The following VWC2 variants were observed in gnomAD, a reference collection of about 807,000 sequenced individuals.
The protein encoded by VWC2 is von Willebrand factor C domain containing 2, also known as brorin.
In VWC2, 14 loss-of-function variants were observed where a neutral mutation model predicts 29.8. The ratio of observed to expected loss-of-function variants is 0.47; its 90% CI spans 0.31 to 0.74. The LOEUF (loss-of-function observed/expected upper bound fraction) is 0.74. Ranked by LOEUF, VWC2 falls within the 30% of genes least tolerant of loss-of-function variation. The pLI is 0.05. For synonymous variants in VWC2, 213 were observed against 199.0 expected (o/e 1.07, Z -0.59); for missense variants, 457 against 459.8 (o/e 0.99, Z 0.05).
intron 2 of VWC2, among the ~76,000 whole-genome samples, chr7:49,788,979 A>ATG (rs796679474): frequency 8.3e-5 from 11 of 133,188 alleles, no homozygotes; most frequent in East Asian, 4.8e-4. Context: ...GTGTGTGAGC[A>ATG]TGTGTGTGTG....
rs916008993 is a variant in VWC2, at chr7:49,919,333, C to A, written c.*7148C>A. ...GATATCCTTAAACTAATAAAAAAAG[C>A]GATGGCATCACATGCCATTTTGAAC... On this transcript the variant is annotated 3_prime_UTR_variant, in exon 4 of 4. Coordinates refer to ENST00000340652, the MANE Select transcript of VWC2 (RefSeq NM_198570.5). 6.6e-6 allele frequency: 1 copy of A among 152,102 alleles called. No homozygotes were observed. The highest frequency in any genetic ancestry group is 1.9e-4 in the East Asian group (1 of 5,186). 9.4% of individuals were successfully genotyped at this position (152,102 alleles called of 1,614,324 possible).
chr7:49,885,477 TC>T, intron 3 of VWC2, among the ~76,000 whole-genome samples: 1 of 152,186 alleles, frequency 6.6e-6, no homozygotes. Flanking sequence ...CAGATTAACT[TC>T]ATCAAATTAC....
intron 3 of VWC2, among the ~76,000 whole-genome samples, chr7:49,827,542 A>C (rs962209709): frequency 1.4e-5 from 1 of 70,500 alleles, no homozygotes; most frequent in African/African-American, 5.2e-5. Flanking sequence ...TAAAACAATA[A>C]CTTTTTATTT....
intron 3 of VWC2, among the ~76,000 whole-genome samples, chr7:49,855,141 T>C (rs894677055): frequency 6.6e-6 from 1 of 152,244 alleles, no homozygotes; most frequent in Admixed American, 6.5e-5. Context: ...AAAGGCCTGC[T>C]CACATTAGTC....
At chr7:49,874,985 G>A (rs79548349) in intron 3 of VWC2, among the ~76,000 whole-genome samples, 4,927 of 151,894 alleles carry the variant, frequency 0.032, 249 homozygotes, top group African/African-American at 0.11. Context: ...TAGTTTCATC[G>A]TTTCCAATGG....
At chr7:49,788,474 A>T (rs1026995463) in intron 2 of VWC2, among the ~76,000 whole-genome samples, 2 of 149,146 alleles carry the variant, frequency 1.3e-5, no homozygotes, top group African/African-American at 5.0e-5. Context: ...TGTGTGAGAG[A>T]GAGTGTGTGG....
In VWC2 at chr7:49,919,358, CT is replaced by C. The variant is rs1488809305; in HGVS notation, c.*7177del. 1.3e-5 allele frequency: 2 copies of C among 152,158 alleles called. No homozygotes were observed. The highest frequency in any genetic ancestry group is 2.9e-5 in the Non-Finnish European group (2 of 68,030). The allele number at this position is 152,158 out of a possible 1,614,324, so 9.4% of individuals were successfully genotyped here. A position where few individuals can be genotyped will look rare whatever the true frequency, so the allele number is the denominator to read the frequency against. On this transcript the variant is annotated 3_prime_UTR_variant, in exon 4 of 4. Coordinates refer to ENST00000340652, the MANE Select transcript of VWC2 (RefSeq NM_198570.5). ...CGATGGCATCACATGCCATTTTGAA[CT>C]TTTGCATTAAAGTCATAAACTTACA...
At chr7:49,878,010 A>G (rs1173201546) in intron 3 of VWC2, among the ~76,000 whole-genome samples, 2 of 151,976 alleles carry the variant, frequency 1.3e-5, no homozygotes, top group African/African-American at 2.4e-5. Context: ...TGGATGACTG[A>G]TGGTCTTTTA....
chr7:49,847,614 G>C (rs1209103876), intron 3 of VWC2, among the ~76,000 whole-genome samples: 2 of 152,180 alleles, frequency 1.3e-5, no homozygotes, highest in African/African-American at 4.8e-5. Flanking sequence ...TTCTATTGAG[G>C]AACACACAGG....
At chr7:49,849,814 A>AG (rs55893231) in intron 3 of VWC2, among the ~76,000 whole-genome samples, 4,735 of 152,340 alleles carry the variant, frequency 0.031, 111 homozygotes, top group South Asian at 0.071. Context: ...GTCTTGGGGT[A>AG]GAATCACTTC....
chr7:49,852,035 T>C (rs1181434491), intron 3 of VWC2, among the ~76,000 whole-genome samples: 1 of 152,148 alleles, frequency 6.6e-6, no homozygotes. Context: ...CCGGATTTAA[T>C]CCGGATTAAA....
At position 49,818,379 on chromosome 7, in the gene VWC2, G is replaced by GT. The variant is rs532074675; in HGVS notation, c.826+15546dup. Among the ~76,000 whole-genome samples the GT allele has an allele frequency of 7.9e-5, 12 of 152,188 alleles. No homozygotes were observed. The East Asian group carries it at 2.1e-3, about 27-fold the overall frequency. On this transcript the variant is annotated intron_variant, in intron 3 of 3. Coordinates refer to ENST00000340652, the MANE Select transcript of VWC2 (RefSeq NM_198570.5). ...TTTTGGGTGCACAGAAAGAACAGTTGTTTTTTTCTCCAGTTAACTCACAAA... is the reference window on the plus strand; with the variant it reads ...TTTTGGGTGCACAGAAAGAACAGTTGTTTTTTTTCTCCAGTTAACTCACAAA...
intron 3 of VWC2, among the ~76,000 whole-genome samples, chr7:49,902,251 C>T (rs904020856): frequency 7.9e-5 from 12 of 151,774 alleles, no homozygotes; most frequent in Non-Finnish European, 1.2e-4. Context: ...GAAAGGCAAA[C>T]CACAGACTGG....
chr7:49,831,642 G>C (rs1011337161), intron 3 of VWC2, among the ~76,000 whole-genome samples: 2 of 152,212 alleles, frequency 1.3e-5, no homozygotes, highest in Non-Finnish European at 2.9e-5. Flanking sequence ...GGTACTGGAG[G>C]TGGGAGGGCA....
intron 3 of VWC2, among the ~76,000 whole-genome samples, chr7:49,835,090 C>T (rs147414687): frequency 6.6e-6 from 1 of 152,268 alleles, no homozygotes; most frequent in Non-Finnish European, 1.5e-5. Flanking sequence ...TGCCCTGATA[C>T]AAAGTTGTTT....
chr7:49,865,732 A>G (rs1400554966), intron 3 of VWC2, among the ~76,000 whole-genome samples: 1 of 152,210 alleles, frequency 6.6e-6, no homozygotes, highest in Non-Finnish European at 1.5e-5. Flanking sequence ...AGACCCAAAC[A>G]CAGAGGTCTA....
intron 3 of VWC2, among the ~76,000 whole-genome samples, chr7:49,897,131 A>G (rs10236244): frequency 6.6e-6 from 1 of 151,808 alleles, no homozygotes; most frequent in Non-Finnish European, 1.5e-5. Flanking sequence ...TCCTGACCTC[A>G]TGATCCACCC....
At chr7:49,903,805 G>T (rs1053811066) in intron 3 of VWC2, among the ~76,000 whole-genome samples, 1 of 152,166 alleles carries the variant, frequency 6.6e-6, no homozygotes, top group Admixed American at 6.5e-5. Flanking sequence ...GGGAGCGGAG[G>T]TTTAATAGGC....
chr7:49,797,461 G>C (rs1222151283), intron 2 of VWC2, among the ~76,000 whole-genome samples: 1 of 152,200 alleles, frequency 6.6e-6, no homozygotes, highest in Non-Finnish European at 1.5e-5. Flanking sequence ...TCAGGTTTGA[G>C]GGTGTATCTC....
Sources: allele counts gnomAD v4.1 joint callset (sites outside exome capture counted in the v4.1 genomes callset), GRCh38; gene constraint gnomAD v4.1.1; transcripts MANE v1.5; gene names NCBI Gene and HGNC (gene_info 2026-07-23, HGNC 2026-07-21).